Variants in PIGV observed in about 807,000 individuals in gnomAD.
PIGV encodes the protein GPI alpha-1,6-mannosyltransferase 2.
Under a neutral mutation model 39.2 loss-of-function variants are expected in PIGV, and 27 were observed. That is an observed-to-expected ratio of 0.69 (90% CI 0.51 to 0.95). The LOEUF is 0.95. Among genes scored for constraint, PIGV ranks in the 40% least tolerant of loss-of-function variants. PIGV has a pLI of 0.00. For synonymous variants in PIGV, 232 were observed against 241.7 expected (o/e 0.96, Z 0.37); for missense variants, 523 against 586.4 (o/e 0.89, Z 1.12).
chr1:26,796,164 ATTT>A (rs1226934532), intron 3 of PIGV, among the ~76,000 whole-genome samples: 4 of 125,094 alleles, frequency 3.2e-5, no homozygotes, highest in Admixed American at 8.4e-5. Flanking sequence ...TCGGCCTGAG[ATTT>A]TTTTTTTTTT....
rs1218607996 is a variant in PIGV, at chr1:26,796,184, T to G, written c.1200+950T>G. Among the ~76,000 whole-genome samples, 3 of 149,656 alleles carry G rather than the reference T, an allele frequency of 2.0e-5. No homozygotes were observed. In the Admixed American group the frequency reaches 2.0e-4, roughly 10 times the overall value. ...CTGAGATTTTTTTTTTTTTTTTTTT[T>G]TTGAGACGGAGTCTTGCTCTGTCAC... is the stretch of plus-strand genomic sequence containing the variant. On this transcript the variant is annotated intron_variant, in intron 3 of 3. Transcript: ENST00000674202.
rs989696393 is a variant in PIGV at position 26,799,227 on chromosome 1, G to A, written c.*1383G>A. ...CCTGTTGTGCCGTTCTCAGATGCCT[G>A]CTTACTTGATCAGTAGACATGGGTC... On this transcript the variant is annotated 3_prime_UTR_variant, in exon 4 of 4. Coordinates refer to ENST00000674202, the MANE Select transcript of PIGV (RefSeq NM_017837.4). Among the ~76,000 whole-genome samples the A allele has an allele frequency of 6.6e-6, 1 of 152,212 alleles. No individual in the cohort carries two copies. Among genetic ancestry groups the A allele is most frequent in the African/African-American group, 2.4e-5 (1 of 41,456 alleles).
intron 2 of PIGV, among the ~76,000 whole-genome samples, chr1:26,791,803 G>A (rs2081312873): frequency 6.6e-6 from 1 of 152,192 alleles, no homozygotes; most frequent in African/African-American, 2.4e-5. Flanking sequence ...ACTGTTTGAA[G>A]TGGCCTGATA....
chr1:26,794,662 G>T lies in PIGV; in HGVS notation c.628G>T (p.Val210Phe), dbSNP rs2081356733. The change falls in exon 3 of 4, where the codon GTT becomes TTT. Residue 210 changes from valine to phenylalanine, a missense_variant. By Grantham distance (50) the Val-to-Phe change is conservative. Transcript: ENST00000674202. ...TGVRSNGLVS[V>F]GFLMHSQCQG... is the part of the protein sequence containing the mutation. ...GGTACGCTCCAACGGGCTGGTCAGT[G>T]TTGGCTTCCTCATGCATTCTCAATG... is the stretch of plus-strand genomic sequence containing the variant. The T allele has an allele frequency of 6.2e-7, 1 of 1,614,138 alleles. No individual in the cohort carries two copies. Among genetic ancestry groups the T allele is most frequent in the Non-Finnish European group, 8.5e-7 (1 of 1,180,054 alleles).
Position 26,794,873 on chromosome 1 carries a change from C to T in PIGV, c.839C>T (p.Ala280Val). 6.2e-7 allele frequency: 1 copy of T among 1,614,228 alleles called. No individual in the cohort carries two copies. The highest frequency in any genetic ancestry group is 8.5e-7 in the Non-Finnish European group (1 of 1,180,040). ...ATTCCTGAGCCTTTGGTACAGTTAG[C>T]TGTAGACAAGGGCTACCGGATTGCA... ...RPIPEPLVQL[A>V]VDKGYRIAEG... The change falls in exon 3 of 4, where the codon GCT becomes GTT. Residue 280 changes from alanine (A) to valine (V), a missense_variant. By Grantham distance (64) the Ala-to-Val change is moderately conservative. Coordinates refer to ENST00000674202, the MANE Select transcript of PIGV (RefSeq NM_017837.4).
Position 26,797,744 on chromosome 1 carries a change from G to GATA in PIGV, c.1382_1383insATA (p.Trp461delinsTer). 1 of 1,614,002 alleles carries GATA rather than the reference G, an allele frequency of 6.2e-7. No individual in the cohort carries two copies. The highest frequency in any genetic ancestry group is 8.5e-7 in the Non-Finnish European group (1 of 1,179,942). Reference sequence around the variant, plus strand: ...CCTATCATGGGACTTTTGTATCACTGGAAAACCTGTTCTCCAGTCACACGA... The same window carrying GATA: ...CCTATCATGGGACTTTTGTATCACTGATAGAAAACCTGTTCTCCAGTCACACGA... On this transcript the variant is annotated stop_gained, in exon 4 of 4. Transcript: ENST00000674202. LOFTEE classifies it high-confidence loss of function.
At chr1:26,790,970 C>T in intron 2 of PIGV, 77 bp downstream of exon 2, 1 of 1,185,064 alleles carries the variant, frequency 8.4e-7, no homozygotes, top group South Asian at 1.2e-5. Context: ...TCCCCATCTC[C>T]TTTCCACCTC....
chr1:26,791,052 T>G (rs1015862048), intron 2 of PIGV, among the ~76,000 whole-genome samples, 159 bp downstream of exon 2: 1 of 152,120 alleles, frequency 6.6e-6, no homozygotes, highest in African/African-American at 2.4e-5. Flanking sequence ...GTCAGGAATC[T>G]TAGAAACACG....
At chr1:26,797,521 A>G in intron 3 of PIGV, 42 bp from the exon 4 acceptor site, 1 of 1,584,110 alleles carries the variant, frequency 6.3e-7, no homozygotes, top group South Asian at 1.1e-5. Flanking sequence ...AGTCAGTGAC[A>G]TTCCAGTAAA....
chr1:26,787,970 C>T lies in PIGV; in HGVS notation c.-356C>T, dbSNP rs1287555605. 1 of 152,400 alleles carries T rather than the reference C, an allele frequency of 6.6e-6. No homozygotes were observed. Among genetic ancestry groups the T allele is most frequent in the East Asian group, 1.9e-4 (1 of 5,194 alleles). The allele number at this position is 152,400 out of a possible 1,614,324, so 9.4% of individuals were successfully genotyped here. ...AGCGCGCAGGCGCGGGCCGCGTGGG[C>T]CCCGGATGGAGGAGCTGAGGTTCGG... On this transcript the variant is annotated 5_prime_UTR_variant, in exon 1 of 4. Coordinates refer to ENST00000674202, the MANE Select transcript of PIGV (RefSeq NM_017837.4).
intron 3 of PIGV, among the ~76,000 whole-genome samples, chr1:26,795,684 T>G (rs1570645679): frequency 9.1e-6 from 1 of 110,442 alleles, no homozygotes; most frequent in Non-Finnish European, 1.7e-5. Context: ...CACTCCAGCC[T>G]GGGCGACAGA....
chr1:26,794,986 A>G lies in PIGV; in HGVS notation c.952A>G (p.Lys318Glu). 6.2e-7 allele frequency: 1 copy of G among 1,614,142 alleles called. No individual in the cohort carries two copies. The highest frequency in any genetic ancestry group is 8.5e-7 in the Non-Finnish European group (1 of 1,180,030). ...QDVYWNVGFL[K>E]YYELKQVPNF... ...TGTCTACTGGAATGTTGGCTTTTTG[A>G]AATACTATGAGCTCAAGCAGGTGCC... Residue 318 changes from lysine (K) to glutamate (E), a missense_variant, in exon 3 of 4, where the codon AAA (lysine) becomes GAA (glutamate). Lys to Glu is a moderately conservative substitution (Grantham distance 56). Coordinates refer to ENST00000674202, the MANE Select transcript of PIGV (RefSeq NM_017837.4).
intron 3 of PIGV, among the ~76,000 whole-genome samples, chr1:26,796,283 C>T (rs1248353006): frequency 6.6e-6 from 1 of 151,720 alleles, no homozygotes; most frequent in Admixed American, 6.6e-5. Flanking sequence ...ATTCTCCTGC[C>T]TCAGCCTCCC....
Position 26,788,046 on chromosome 1 carries a change from T to C in PIGV, c.-280T>C, listed in dbSNP as rs1421342080. 3 of 152,390 alleles carry C rather than the reference T, an allele frequency of 2.0e-5. No individual in the cohort carries two copies. Among genetic ancestry groups the C allele is most frequent in the South Asian group, 2.1e-4 (1 of 4,828 alleles). 9.4% of individuals were successfully genotyped at this position (152,390 alleles called of 1,614,324 possible). A position where few individuals can be genotyped will look rare whatever the true frequency, so the allele number is the denominator to read the frequency against. On this transcript the variant is annotated 5_prime_UTR_variant, in exon 1 of 4. Coordinates refer to ENST00000674202, the MANE Select transcript of PIGV (RefSeq NM_017837.4). Reference sequence around the variant, plus strand: ...CAGGGGCTGAGGACCCCGCGCCAGCTTGGGAGCCCTGGAGTTCTGGCGGGA... The same window carrying C: ...CAGGGGCTGAGGACCCCGCGCCAGCCTGGGAGCCCTGGAGTTCTGGCGGGA...
Position 26,797,644 on chromosome 1 carries a change from T to C in PIGV, c.1282T>C (p.Leu428=), listed in dbSNP as rs2124207789. 2 of 1,614,022 alleles carry C rather than the reference T, an allele frequency of 1.2e-6. No homozygotes were observed. Among genetic ancestry groups the C allele is most frequent in the Non-Finnish European group, 1.7e-6 (2 of 1,179,868 alleles). Residue 428 remains leucine (L), a synonymous_variant, in exon 4 of 4, where the codon TTG becomes CTG. Transcript: ENST00000674202. ...CTTGCTTCAGGATCAAGAGCCGCTGTTGAGATCCTTAAAGACTGTGCCTTG... is the reference window on the plus strand; with the variant it reads ...CTTGCTTCAGGATCAAGAGCCGCTGCTGAGATCCTTAAAGACTGTGCCTTG... ...AHLLQDQEPL[L]RSLKTVPWKP...
rs1244875164 is a variant in PIGV, at chr1:26,798,427, A to G, written c.*583A>G. ...AATGAATTGCCTTTTTAAAAATAAT[A>G]CAGGCCAGGCACGACGTTTCACACT... On this transcript the variant is annotated 3_prime_UTR_variant, in exon 4 of 4. Coordinates refer to ENST00000674202, the MANE Select transcript of PIGV (RefSeq NM_017837.4). 1 of 156,048 alleles carries G rather than the reference A, an allele frequency of 6.4e-6. No individual in the cohort carries two copies. Among genetic ancestry groups the G allele is most frequent in the Non-Finnish European group, 1.4e-5 (1 of 70,492 alleles). 9.7% of individuals were successfully genotyped at this position (156,048 alleles called of 1,614,324 possible).
rs779441883 is a variant in PIGV, at chr1:26,794,683, C to G, written c.649C>G (p.Gln217Glu). 1 of 1,614,206 alleles carries G rather than the reference C, an allele frequency of 6.2e-7. No individual in the cohort carries two copies. Among genetic ancestry groups the G allele is most frequent in the Admixed American group, 1.7e-5 (1 of 60,020 alleles). ...CAGTGTTGGCTTCCTCATGCATTCT[C>G]AATGCCAAGGCTTTTTCTCTTCTCT... is the stretch of plus-strand genomic sequence containing the variant. ...LVSVGFLMHSQCQGFFSSLTM... is the reference protein window; with the variant it reads ...LVSVGFLMHSECQGFFSSLTM... Residue 217 changes from glutamine (Q) to glutamate (E), a missense_variant, in exon 3 of 4, where the codon CAA (glutamine) becomes GAA (glutamate). Coordinates refer to ENST00000674202, the MANE Select transcript of PIGV (RefSeq NM_017837.4).
chr1:26,795,961 C>T (rs1376644646), intron 3 of PIGV, among the ~76,000 whole-genome samples: 2 of 150,898 alleles, frequency 1.3e-5, no homozygotes, highest in African/African-American at 2.4e-5. Flanking sequence ...TGGGTTCAAG[C>T]GACTCTTCTG....
At chr1:26,787,153 G>GAAGGATTTATCAT (rs1456536394), upstream of PIGV, among the ~76,000 whole-genome samples, 9 of 152,250 alleles carry the variant, frequency 5.9e-5, no homozygotes, top group African/African-American at 1.9e-4. Context: ...CACCAACGGA[G>GAAGGATTTATCAT]AAGGATTTAT....
Sources: allele counts gnomAD v4.1 joint callset (sites outside exome capture counted in the v4.1 genomes callset), GRCh38; gene constraint gnomAD v4.1.1; transcripts MANE v1.5; gene names NCBI Gene and HGNC (gene_info 2026-07-23, HGNC 2026-07-21).